The following LRRC9 variants were observed in gnomAD, a reference collection of about 807,000 sequenced individuals.
The protein encoded by LRRC9 is leucine rich repeat containing 9, also known as leucine-rich repeat-containing protein 9.
A neutral mutation model predicts 63.2 loss-of-function variants in LRRC9; 122 were observed. That is an observed-to-expected ratio of 1.93 (90% confidence interval 1.67 to 2.24). The LOEUF is 2.24. Among genes scored for constraint, LRRC9 ranks in the 30% most tolerant of loss-of-function variants. LRRC9 has a pLI of 0.00. For synonymous variants in LRRC9, 366 were observed against 213.1 expected, an observed-to-expected ratio of 1.72 and a Z score of -6.25; for missense variants, 1,071 against 627.7, an observed-to-expected ratio of 1.71 and a Z score of -7.55.
At chr14:60,061,910 G>A in intron 31 of LRRC9, 101 bp from the exon 32 acceptor site, 3 of 395,940 alleles carry the variant, frequency 7.6e-6, no homozygotes, top group Non-Finnish European at 1.3e-5. Context: ...CATACATTCC[G>A]CTGAAGGACA....
At chr14:59,924,823 A>T (rs1298278197) in intron 1 of LRRC9, among the ~76,000 whole-genome samples, 1 of 151,804 alleles carries the variant, frequency 6.6e-6, no homozygotes, top group Non-Finnish European at 1.5e-5. Context: ...TATTTCTCTC[A>T]GTGTACTCCA....
intron 10 of LRRC9, among the ~76,000 whole-genome samples, chr14:59,961,994 A>G (rs936827027): frequency 1.3e-5 from 2 of 152,158 alleles, no homozygotes; most frequent in South Asian, 2.1e-4. Context: ...AATAAATACT[A>G]ATTTTTATAG....
At chr14:60,061,514 C>T (rs1566917519) in intron 31 of LRRC9, among the ~76,000 whole-genome samples, 1 of 152,164 alleles carries the variant, frequency 6.6e-6, no homozygotes, top group Non-Finnish European at 1.5e-5. Context: ...ATAGACTACA[C>T]TATAGTTGTA....
rs535834841 is a variant in LRRC9, at chr14:59,958,979, C to T, written c.883-839C>T. Among the ~76,000 whole-genome samples the T allele has an allele frequency of 8.5e-5, 13 of 152,290 alleles. 1 individual carries two copies. The South Asian group carries it at 2.7e-3, about 32-fold the overall frequency. On this transcript the variant is annotated intron_variant, in intron 8 of 31. Coordinates refer to ENST00000445360, the Ensembl canonical transcript of LRRC9. The surrounding 1 kb of genome is among the most constrained non-coding windows in gnomAD (Gnocchi z 4.0). ...TCTCACTGAGATGAACAGGGTACCT[C>T]AGTTGGAAATGCAGTAATCACCCAC... is the stretch of plus-strand genomic sequence containing the variant.
At chr14:59,925,386 G>A (rs537995775) in intron 1 of LRRC9, among the ~76,000 whole-genome samples, 9 of 152,288 alleles carry the variant, frequency 5.9e-5, no homozygotes, top group African/African-American at 2.2e-4. Context: ...CTGGAGAGAA[G>A]GAACAGTATG....
chr14:60,054,767 C>T lies in LRRC9; in HGVS notation c.4131+1562C>T, dbSNP rs78782523. Among the ~76,000 whole-genome samples the T allele has an allele frequency of 3.5e-3, 509 of 145,318 alleles. 16 individuals carry two copies. The East Asian group carries it at 0.058, about 17-fold the overall frequency. ...TATCAATTAGACAATGATTCCCTTACTTTTTTTTTTTTTAGACGAAGTCTT... is the reference window on the plus strand; with the variant it reads ...TATCAATTAGACAATGATTCCCTTATTTTTTTTTTTTTTAGACGAAGTCTT... On this transcript the variant is annotated intron_variant, in intron 30 of 31. Transcript: ENST00000445360.
At chr14:59,992,093 G>A (rs766303555) in intron 17 of LRRC9, among the ~76,000 whole-genome samples, 13 of 152,058 alleles carry the variant, frequency 8.5e-5, no homozygotes, top group East Asian at 5.8e-4. Flanking sequence ...TCACATGGCC[G>A]GGTACTCCTC....
chr14:60,062,466 G>C (rs966204358), intron 31 of LRRC9, among the ~76,000 whole-genome samples: 14 of 152,268 alleles, frequency 9.2e-5, no homozygotes, highest in African/African-American at 2.6e-4. Context: ...CAATGAAATA[G>C]CTACATGGGA....
intron 8 of LRRC9, among the ~76,000 whole-genome samples, chr14:59,953,316 A>T (rs1883375360): frequency 1.3e-5 from 2 of 152,322 alleles, no homozygotes; most frequent in Non-Finnish European, 2.9e-5. Context: ...CCTCTCCAGC[A>T]TCTGTTGTTT....
Position 59,990,408 on chromosome 14 carries a change from T to C in LRRC9, c.2211+5184T>C, listed in dbSNP as rs1355499217. The stretch of plus-strand genomic sequence containing the variant: ...TCTTCAGACCTTTCTTTTTTCTTTT[T>C]CTTTTTTCATTTTTAGACAGGGTCT... On this transcript the variant is annotated intron_variant, in intron 17 of 31. Transcript: ENST00000445360. The surrounding 1 kb of genome is among the most constrained non-coding windows in gnomAD (Gnocchi z 4.2). Among the ~76,000 whole-genome samples, 1 of 152,140 alleles carries C rather than the reference T, an allele frequency of 6.6e-6. No individual in the cohort carries two copies. The highest frequency in any genetic ancestry group is 1.5e-5 in the Non-Finnish European group (1 of 68,030).
chr14:60,019,339 G>C, intron 26 of LRRC9, 79 bp downstream of exon 26: 1 of 565,006 alleles, frequency 1.8e-6, no homozygotes, highest in Non-Finnish European at 3.2e-6. Flanking sequence ...AATGATAGCA[G>C]TAACACATTC....
chr14:60,060,879 C>A lies in LRRC9; in HGVS notation c.4277-2444C>A, dbSNP rs548203682. On this transcript the variant is annotated intron_variant, in intron 31 of 31. Transcript: ENST00000445360. The surrounding 1 kb of genome is among the most constrained non-coding windows in gnomAD (Gnocchi z 4.0). Reference sequence around the variant, plus strand: ...TCATCAGAGGAGGTCAAAATAGCAACCCTAATGGGAGTTTGGATGACTTTG... The same window carrying A: ...TCATCAGAGGAGGTCAAAATAGCAAACCTAATGGGAGTTTGGATGACTTTG... Among the ~76,000 whole-genome samples, 2 of 152,242 alleles carry A rather than the reference C, an allele frequency of 1.3e-5. No individual in the cohort carries two copies. The highest frequency in any genetic ancestry group is 4.8e-5 in the African/African-American group (2 of 41,530).
At position 59,930,673 on chromosome 14, in the gene LRRC9, TA is replaced by T. The variant is rs1347828949; in HGVS notation, c.268-243del. ...TATGTGATATATATGATTACAATTA[TA>T]ACCATATATAAATAGATATAGGGTT... On this transcript the variant is annotated intron_variant, in intron 3 of 31. Transcript: ENST00000445360. The surrounding 1 kb of genome is among the most constrained non-coding windows in gnomAD (Gnocchi z 4.9). 1.3e-5 allele frequency among the ~76,000 whole-genome samples: 2 copies of T among 151,690 alleles called. No individual in the cohort carries two copies. Among genetic ancestry groups the T allele is most frequent in the Admixed American group, 6.6e-5 (1 of 15,206 alleles).
At position 59,922,060 on chromosome 14, in the gene LRRC9, GGCA is replaced by G. The variant is rs1270479206; in HGVS notation, c.-34+2181_-34+2183del. Among the ~76,000 whole-genome samples, 1 of 151,248 alleles carries G rather than the reference GGCA, an allele frequency of 6.6e-6. No individual in the cohort carries two copies. The highest frequency in any genetic ancestry group is 1.5e-5 in the Non-Finnish European group (1 of 67,888). ...GATTGTGCCACTGCAGTCAAGCCTG[GGCA>G]GCAAAGTGAGATTCTGTCTCAAAAA... On this transcript the variant is annotated intron_variant, in intron 1 of 31. Transcript: ENST00000445360. The surrounding 1 kb of genome is among the most constrained non-coding windows in gnomAD (Gnocchi z 5.3).
rs911700621 is a variant in LRRC9 at position 60,053,298 on chromosome 14, T to C, written c.4131+93T>C. On this transcript the variant is annotated intron_variant, in intron 30 of 31. Transcript: ENST00000445360. This position sits in a 1 kb window ranked among gnomAD's most constrained non-coding sequence, Gnocchi z 4.8. ...CTTTTGATTTAAATGTTTAAACCTA[T>C]GGCGTTTTTGATAAGGATGATCTTA... 8.2e-6 allele frequency: 5 copies of C among 606,340 alleles called. No individual in the cohort carries two copies. The Admixed American group carries it at 1.1e-4, about 13-fold the overall frequency. The allele number at this position is 606,340 out of a possible 1,614,324, so 37.6% of individuals were successfully genotyped here.
chr14:59,978,013 C>G lies in LRRC9; in HGVS notation c.1763-4C>G. 1.4e-6 allele frequency: 1 copy of G among 695,306 alleles called. No homozygotes were observed. The highest frequency in any genetic ancestry group is 1.5e-5 in the South Asian group (1 of 66,414). The allele number at this position is 695,306 out of a possible 1,614,324, so 43.1% of individuals were successfully genotyped here. Reference sequence around the variant, plus strand: ...TGCTTTGCTTGTTTTTGCTTTTACTCTAGATTCTGTCATGGGACAAAGAAA... The same window carrying G: ...TGCTTTGCTTGTTTTTGCTTTTACTGTAGATTCTGTCATGGGACAAAGAAA... On this transcript the variant is annotated splice_region_variant and splice_polypyrimidine_tract_variant and intron_variant, in intron 14 of 31. Transcript: ENST00000445360.
chr14:60,050,347 T>C (rs577316274), intron 29 of LRRC9, among the ~76,000 whole-genome samples: 10 of 152,196 alleles, frequency 6.6e-5, no homozygotes, highest in Non-Finnish European at 1.2e-4. Context: ...TTTCACTGCC[T>C]GGTCTATTCT....
chr14:59,942,916 G>T lies in LRRC9; in HGVS notation c.727-1673G>T, dbSNP rs189087050. ...TACCTATTGGCCATTTGTATGGTCTGTTGAGAAATGTCTATGCAGTTCCTT... is the reference window on the plus strand; with the variant it reads ...TACCTATTGGCCATTTGTATGGTCTTTTGAGAAATGTCTATGCAGTTCCTT... On this transcript the variant is annotated intron_variant, in intron 7 of 31. Coordinates refer to ENST00000445360, the Ensembl canonical transcript of LRRC9. This position sits in a 1 kb window ranked among gnomAD's most constrained non-coding sequence, Gnocchi z 5.3. Among the ~76,000 whole-genome samples, 2,174 of 152,062 alleles carry T rather than the reference G, an allele frequency of 0.014. 50 individuals are homozygous for T. Among genetic ancestry groups the T allele is most frequent in the East Asian group, 0.059 (304 of 5,174 alleles).
In LRRC9 at chr14:60,027,978, T is replaced by C. The variant is rs1891690800; in HGVS notation, c.3798T>C (p.Ser1266=). 1 of 701,820 alleles carries C rather than the reference T, an allele frequency of 1.4e-6. No homozygotes were observed. Among genetic ancestry groups the C allele is most frequent in the East Asian group, 2.7e-5 (1 of 37,266 alleles). The allele number at this position is 701,820 out of a possible 1,614,324, so 43.5% of individuals were successfully genotyped here. Residue 1266 remains serine, a synonymous_variant, in exon 28 of 32, where the codon AGT becomes AGC. Coordinates refer to ENST00000445360, the Ensembl canonical transcript of LRRC9. This position sits in a 1 kb window ranked among gnomAD's most constrained non-coding sequence, Gnocchi z 4.0. Reference sequence around the variant, plus strand: ...ACCGCATCCGATCATTTAATGACAGTGCTTTTGCCAAACCAAGTTCTTTAT... The same window carrying C: ...ACCGCATCCGATCATTTAATGACAGCGCTTTTGCCAAACCAAGTTCTTTAT...
Sources: allele counts gnomAD v4.1 joint callset (sites outside exome capture counted in the v4.1 genomes callset), GRCh38; gene constraint gnomAD v4.1.1; non-coding constraint Gnocchi (gnomAD v3.1); transcripts MANE v1.5; gene names NCBI Gene and HGNC (gene_info 2026-07-23, HGNC 2026-07-21).